Variants in KIF26B observed in about 807,000 individuals in gnomAD.
KIF26B encodes the protein kinesin-like protein KIF26B.
Under a neutral mutation model 151.2 loss-of-function variants are expected in KIF26B, and 63 were observed. The ratio of observed to expected loss-of-function variants is 0.42; its 90% CI spans 0.34 to 0.51. KIF26B has a LOEUF of 0.51. KIF26B is among the 20% of genes least tolerant of loss of function. The pLI is 0.07. For synonymous variants in KIF26B, 1,357 were observed against 1,262.1 expected, an observed-to-expected ratio of 1.08 and a Z score of -1.59; for missense variants, 2,813 against 2,913.6, an observed-to-expected ratio of 0.97 and a Z score of 0.79.
chr1:245,492,271 A>C (rs1371765454), intron 4 of KIF26B, among the ~76,000 whole-genome samples: 1 of 152,206 alleles, frequency 6.6e-6, no homozygotes. Flanking sequence ...CCACTTTGGG[A>C]GGCCTCCCTG....
intron 2 of KIF26B, among the ~76,000 whole-genome samples, chr1:245,292,252 C>G (rs775761029): frequency 4.6e-5 from 7 of 152,206 alleles, no homozygotes; most frequent in Non-Finnish European, 2.9e-5. Context: ...TCGAAACCCT[C>G]TGAGCTCTGT....
At chr1:245,409,723 G>A (rs1054697350) in intron 3 of KIF26B, among the ~76,000 whole-genome samples, 2 of 152,086 alleles carry the variant, frequency 1.3e-5, no homozygotes, top group Non-Finnish European at 2.9e-5. Context: ...GGTGCTGGCT[G>A]GGGGTGCTGG....
intron 2 of KIF26B, among the ~76,000 whole-genome samples, chr1:245,204,266 A>G (rs184278711): frequency 6.6e-6 from 1 of 152,342 alleles, no homozygotes; most frequent in East Asian, 1.9e-4. Flanking sequence ...AATAATTCAT[A>G]CAGGAGACTT....
rs1175936492 is a variant in KIF26B, at chr1:245,702,667, C to A, written c.*61C>A. 2 of 1,543,734 alleles carry A rather than the reference C, an allele frequency of 1.3e-6. No individual in the cohort carries two copies. Among genetic ancestry groups the A allele is most frequent in the Non-Finnish European group, 1.8e-6 (2 of 1,135,788 alleles). The stretch of plus-strand genomic sequence containing the variant: ...CCCAGGACTTCAGAGATGTTGCACG[C>A]CCCTAGGCCCTCTGTGCTGGGGCAT... On this transcript the variant is annotated 3_prime_UTR_variant, in exon 15 of 15. Coordinates refer to ENST00000407071, the MANE Select transcript of KIF26B (RefSeq NM_018012.4). This position sits in a 1 kb window ranked among gnomAD's most constrained non-coding sequence, Gnocchi z 4.1.
chr1:245,602,491 A>G lies in KIF26B; in HGVS notation c.1351-86A>G, dbSNP rs1401176838. On this transcript the variant is annotated intron_variant, in intron 5 of 14. Transcript: ENST00000407071. The surrounding 1 kb of genome is among the most constrained non-coding windows in gnomAD (Gnocchi z 4.5). The stretch of plus-strand genomic sequence containing the variant: ...GAGAAAGTTCAGTGCTGCCATGTGC[A>G]TGTATATCGCAGAGTATACAAGGGT... 1 of 983,162 alleles carries G rather than the reference A, an allele frequency of 1.0e-6. No homozygotes were observed. The highest frequency in any genetic ancestry group is 1.6e-6 in the Non-Finnish European group (1 of 636,916). The allele number at this position is 983,162 out of a possible 1,614,324, so 60.9% of individuals were successfully genotyped here.
chr1:245,259,423 G>A (rs1670594002), intron 2 of KIF26B, among the ~76,000 whole-genome samples: 1 of 152,090 alleles, frequency 6.6e-6, no homozygotes, highest in South Asian at 2.1e-4. Context: ...GGTTGTGAGG[G>A]CCAGTTCAAT....
chr1:245,621,857 A>G (rs1286320026), intron 9 of KIF26B, among the ~76,000 whole-genome samples: 27 of 152,200 alleles, frequency 1.8e-4, no homozygotes, highest in Non-Finnish European at 1.5e-5. Flanking sequence ...TAGATTTTCC[A>G]TTGTCTAAAT....
chr1:245,385,710 C>T (rs934145853), intron 3 of KIF26B, among the ~76,000 whole-genome samples: 18 of 152,278 alleles, frequency 1.2e-4, no homozygotes, highest in South Asian at 6.2e-4. Flanking sequence ...TCTACAGACA[C>T]GGCCCTTGGT....
intron 2 of KIF26B, among the ~76,000 whole-genome samples, chr1:245,337,027 C>T (rs1312790216): frequency 6.6e-6 from 1 of 151,918 alleles, no homozygotes; most frequent in African/African-American, 2.4e-5. Flanking sequence ...AGAAAGGAGG[C>T]GGGAAATGAG....
At chr1:245,377,240 T>C (rs1673299126) in intron 3 of KIF26B, among the ~76,000 whole-genome samples, 1 of 152,222 alleles carries the variant, frequency 6.6e-6, no homozygotes, top group Non-Finnish European at 1.5e-5. Flanking sequence ...AACAAAAATG[T>C]ATTCTCATAG....
Position 245,560,279 on chromosome 1 carries a change from G to A in KIF26B, c.1350+19329G>A, listed in dbSNP as rs2042933262. On this transcript the variant is annotated intron_variant, in intron 5 of 14. Coordinates refer to ENST00000407071, the MANE Select transcript of KIF26B (RefSeq NM_018012.4). This position sits in a 1 kb window ranked among gnomAD's most constrained non-coding sequence, Gnocchi z 4.3. ...CCAGGGACTTTTTCCCTTTTGGAAG[G>A]AGACCCAGATACCCTCCAGACATAG... Among the ~76,000 whole-genome samples, 1 of 152,152 alleles carries A rather than the reference G, an allele frequency of 6.6e-6. No homozygotes were observed. The highest frequency in any genetic ancestry group is 2.1e-4 in the South Asian group (1 of 4,828).
At chr1:245,664,238 G>A (rs1408619657) in intron 10 of KIF26B, among the ~76,000 whole-genome samples, 1 of 151,622 alleles carries the variant, frequency 6.6e-6, no homozygotes. Context: ...CATGGTGGCG[G>A]GCGCCTGTAA....
intron 3 of KIF26B, among the ~76,000 whole-genome samples, chr1:245,392,240 C>T (rs892342274): frequency 3.3e-5 from 5 of 152,156 alleles, no homozygotes; most frequent in Non-Finnish European, 7.3e-5. Context: ...CCCAATCCTA[C>T]GCCACAGAAA....
chr1:245,230,769 G>T (rs1192518624), intron 2 of KIF26B, among the ~76,000 whole-genome samples: 3 of 150,958 alleles, frequency 2.0e-5, no homozygotes, highest in Middle Eastern at 3.4e-3. Context: ...AGAAAGAAAG[G>T]AAAAAGAAAA....
At chr1:245,480,546 G>A (rs186684620) in intron 4 of KIF26B, among the ~76,000 whole-genome samples, 11 of 151,758 alleles carry the variant, frequency 7.2e-5, no homozygotes, top group Admixed American at 2.0e-4. Context: ...GGCCAGCTTG[G>A]TACCGTATAA....
At chr1:245,603,956 G>A (rs1471395740) in intron 6 of KIF26B, among the ~76,000 whole-genome samples, 1 of 152,154 alleles carries the variant, frequency 6.6e-6, no homozygotes, top group African/African-American at 2.4e-5. Context: ...CCAATGAACT[G>A]CAGACCTCAC....
chr1:245,515,845 T>A (rs12240116), intron 4 of KIF26B, among the ~76,000 whole-genome samples: 1 of 151,936 alleles, frequency 6.6e-6, no homozygotes, highest in Non-Finnish European at 1.5e-5. Flanking sequence ...ACTCGGCTTG[T>A]CCCAGGGTAT....
rs141909766 is a variant in KIF26B, at chr1:245,294,095, G to A, written c.466-72739G>A. On this transcript the variant is annotated intron_variant, in intron 2 of 14. Coordinates refer to ENST00000407071, the MANE Select transcript of KIF26B (RefSeq NM_018012.4). ...AGACCATGATGGTGGCCTGTGTTGT[G>A]TCCTGAGGGGCTGTGTACACGGAGT... Among the ~76,000 whole-genome samples the A allele has an allele frequency of 3.3e-5, 5 of 152,290 alleles. No homozygotes were observed. The East Asian group carries it at 7.7e-4, about 23-fold the overall frequency.
chr1:245,379,511 CTCTTTG>C (rs1673354213), intron 3 of KIF26B, among the ~76,000 whole-genome samples: 1 of 150,114 alleles, frequency 6.7e-6, no homozygotes, highest in South Asian at 2.1e-4. Context: ...TCTTACCGAA[CTCTTTG>C]AAACACAGGA....
Sources: allele counts gnomAD v4.1 joint callset (sites outside exome capture counted in the v4.1 genomes callset), GRCh38; gene constraint gnomAD v4.1.1; non-coding constraint Gnocchi (gnomAD v3.1); transcripts MANE v1.5; gene names NCBI Gene and HGNC (gene_info 2026-07-23, HGNC 2026-07-21).